The following RBFOX1 variants were observed in gnomAD, a reference collection of about 807,000 sequenced individuals.
RBFOX1 encodes RNA binding fox-1 homolog 1, also known as RNA binding protein fox-1 homolog 1.
Under a neutral mutation model 57.7 loss-of-function variants are expected in RBFOX1, and 8 were observed. The ratio of observed to expected loss-of-function variants is 0.14; its 90% confidence interval spans 0.08 to 0.25. The LOEUF is 0.25. Among genes scored for constraint, RBFOX1 ranks in the 10% least tolerant of loss-of-function variants. RBFOX1 has a pLI of 1.00. For missense variants in RBFOX1, 611 were observed against 548.5 expected, an observed-to-expected ratio of 1.11 and a Z score of -1.14; for synonymous variants, 326 against 222.4, an observed-to-expected ratio of 1.47 and a Z score of -4.15.
rs146136043 is a variant in RBFOX1 at position 6,943,259 on chromosome 16, C to T, written c.-15-108798C>T. Among the ~76,000 whole-genome samples, 457 of 152,264 alleles carry T rather than the reference C, an allele frequency of 3.0e-3. 4 individuals are homozygous for T. Among genetic ancestry groups the T allele is most frequent in the Non-Finnish European group, 4.8e-3 (329 of 68,024 alleles). On this transcript the variant is annotated intron_variant, in intron 3 of 15. Coordinates refer to ENST00000550418, the MANE Select transcript of RBFOX1 (RefSeq NM_018723.4). ...AGAAAGCCAGCAGTCAATGACTGAT[C>T]AAGGTGCAAAAAGAATAGCCCATTT...
At chr16:6,716,605 C>A (rs529292878) in intron 3 of RBFOX1, among the ~76,000 whole-genome samples, 1 of 152,236 alleles carries the variant, frequency 6.6e-6, no homozygotes, top group Non-Finnish European at 1.5e-5. Context: ...TTGCCTGAGT[C>A]CTTCTTACAG....
upstream of RBFOX1, among the ~76,000 whole-genome samples, chr16:6,015,652 G>A (rs1727166169): frequency 6.6e-6 from 1 of 152,120 alleles, no homozygotes; most frequent in Non-Finnish European, 1.5e-5. Context: ...ATGCTGTTTT[G>A]CTTCAGGCAC....
At chr16:6,670,092 G>A (rs924390347) in intron 3 of RBFOX1, among the ~76,000 whole-genome samples, 7 of 152,238 alleles carry the variant, frequency 4.6e-5, no homozygotes, top group South Asian at 4.2e-4. Flanking sequence ...TATGATCATG[G>A]CTCACTGCAA....
chr16:5,552,422 C>G (rs775145807), intron 2 of RBFOX1, among the ~76,000 whole-genome samples: 6 of 152,168 alleles, frequency 3.9e-5, no homozygotes, highest in Admixed American at 3.3e-4. Context: ...GTATTAAATG[C>G]TCACATAGCC....
chr16:5,579,161 T>C (rs2046575091), intron 2 of RBFOX1, among the ~76,000 whole-genome samples: 1 of 152,006 alleles, frequency 6.6e-6, no homozygotes, highest in African/African-American at 2.4e-5. Context: ...CCCCTAATTC[T>C]CTAAATTGGT....
chr16:6,947,987 C>T (rs1459962043), intron 3 of RBFOX1, among the ~76,000 whole-genome samples: 1 of 152,092 alleles, frequency 6.6e-6, no homozygotes, highest in African/African-American at 2.4e-5. Context: ...TCACGTTTGC[C>T]AGGTTGGTCT....
chr16:5,763,023 T>G (rs1207529973), intron 3 of RBFOX1, among the ~76,000 whole-genome samples: 1 of 152,222 alleles, frequency 6.6e-6, no homozygotes, highest in Non-Finnish European at 1.5e-5. Context: ...ATGTACTGTT[T>G]GCACATATCT....
chr16:6,846,652 A>G (rs974967197), intron 3 of RBFOX1, among the ~76,000 whole-genome samples: 6 of 152,204 alleles, frequency 3.9e-5, no homozygotes, highest in Non-Finnish European at 5.9e-5. Flanking sequence ...TTGAGCATCT[A>G]CAGACGTCAA....
chr16:7,098,727 A>C (rs1054748336), intron 4 of RBFOX1, among the ~76,000 whole-genome samples: 2 of 152,008 alleles, frequency 1.3e-5, no homozygotes, highest in Non-Finnish European at 2.9e-5. Flanking sequence ...AGGCAGGAGG[A>C]TCATTTGAGC....
chr16:6,234,854 T>G (rs1251287139), intron 1 of RBFOX1, among the ~76,000 whole-genome samples: 1 of 151,992 alleles, frequency 6.6e-6, no homozygotes, highest in Non-Finnish European at 1.5e-5. Flanking sequence ...TGCAGTGAAA[T>G]GTGAACAAGG....
chr16:7,237,513 C>T (rs972448573), intron 4 of RBFOX1, among the ~76,000 whole-genome samples: 6 of 152,184 alleles, frequency 3.9e-5, no homozygotes, highest in African/African-American at 1.4e-4. Flanking sequence ...GCCTGAAGCA[C>T]AATAGAATGA....
At chr16:7,573,025 A>G (rs2092951934) in intron 5 of RBFOX1, among the ~76,000 whole-genome samples, 1 of 152,038 alleles carries the variant, frequency 6.6e-6, no homozygotes. Flanking sequence ...AAATAATAAA[A>G]AGGCAAGAAG....
At chr16:5,645,642 G>A (rs958841898) in intron 3 of RBFOX1, among the ~76,000 whole-genome samples, 3 of 152,174 alleles carry the variant, frequency 2.0e-5, no homozygotes, top group Non-Finnish European at 4.4e-5. Flanking sequence ...GAAAGATTCT[G>A]TGTGTGCTTT....
chr16:7,709,831 A>C, intron 15 of RBFOX1: 2 of 1,243,682 alleles, frequency 1.6e-6, no homozygotes, highest in South Asian at 1.8e-5. Context: ...ATGCACTGAA[A>C]CTCTTGAGTA....
intron 3 of RBFOX1, among the ~76,000 whole-genome samples, chr16:6,945,882 CTCT>C (rs1490782211): frequency 2.0e-5 from 3 of 152,180 alleles, no homozygotes; most frequent in Non-Finnish European, 4.4e-5. Context: ...CAGAGCAAGA[CTCT>C]CGTCCCCCAC....
intron 4 of RBFOX1, among the ~76,000 whole-genome samples, chr16:7,266,650 C>T (rs1477291652): frequency 1.3e-5 from 2 of 152,032 alleles, no homozygotes; most frequent in African/African-American, 4.8e-5. Flanking sequence ...CACTTCACTC[C>T]GTAACAATGG....
chr16:6,480,151 T>G (rs73524632), intron 2 of RBFOX1, among the ~76,000 whole-genome samples: 14,624 of 152,094 alleles, frequency 0.096, 2,139 homozygotes, highest in African/African-American at 0.31. Flanking sequence ...TTTACCTGAG[T>G]TTGAGAGCTC....
intron 5 of RBFOX1, among the ~76,000 whole-genome samples, chr16:7,522,717 T>C (rs530656972): frequency 1.3e-5 from 2 of 151,984 alleles, no homozygotes; most frequent in Admixed American, 6.6e-5. Context: ...AAGCAAGAGA[T>C]AGGGAATAAT....
chr16:7,492,665 G>C (rs1279810944), intron 4 of RBFOX1, among the ~76,000 whole-genome samples: 3 of 152,196 alleles, frequency 2.0e-5, no homozygotes, highest in Non-Finnish European at 4.4e-5. Context: ...CATGAAGGCA[G>C]ATTTTTTTAT....
Sources: allele counts gnomAD v4.1 joint callset (sites outside exome capture counted in the v4.1 genomes callset), GRCh38; gene constraint gnomAD v4.1.1; transcripts MANE v1.5; gene names NCBI Gene and HGNC (gene_info 2026-07-23, HGNC 2026-07-21).